Variants in HNRNPA1L2 observed in about 807,000 individuals in gnomAD.
HNRNPA1L2 encodes the protein heterogeneous nuclear ribonucleoprotein A1-like 2.
A neutral mutation model predicts 18.2 loss-of-function variants in HNRNPA1L2; 10 were observed. The observed-to-expected ratio is 0.55, with a 90% confidence interval of 0.34 to 0.93. HNRNPA1L2 has a LOEUF of 0.93. Ranked by LOEUF, HNRNPA1L2 falls within the 40% of genes least tolerant of loss-of-function variation. The pLI is 0.02. For synonymous variants in HNRNPA1L2, 124 were observed against 138.6 expected (o/e 0.89, Z 0.74); for missense variants, 308 against 394.4 (o/e 0.78, Z 1.85).
upstream of HNRNPA1L2, chr13:52,641,753 A>G (rs1961664165): frequency 6.6e-6 from 1 of 152,172 alleles, no homozygotes; most frequent in Non-Finnish European, 1.5e-5. Context: ...CCTCTTCTTT[A>G]TCTCACCAGC....
chr13:52,635,794 A>G, the HNRNPA1L2 span, among the ~76,000 whole-genome samples: 1 of 148,278 alleles, frequency 6.7e-6, no homozygotes, highest in East Asian at 2.0e-4. Flanking sequence ...ATGCATTTTT[A>G]TTACTGAATA....
chr13:52,628,135 A>T, the HNRNPA1L2 span, among the ~76,000 whole-genome samples: 1 of 152,162 alleles, frequency 6.6e-6, no homozygotes, highest in Non-Finnish European at 1.5e-5. Context: ...TGTGTACCAG[A>T]TGTATTTCGG....
the HNRNPA1L2 span, among the ~76,000 whole-genome samples, chr13:52,620,163 T>G: frequency 6.6e-6 from 1 of 152,190 alleles, no homozygotes; most frequent in Non-Finnish European, 1.5e-5. Context: ...CTGTGGCTAC[T>G]ATTTTCTGGC....
chr13:52,623,039 T>A, the HNRNPA1L2 span, among the ~76,000 whole-genome samples: 1 of 152,152 alleles, frequency 6.6e-6, no homozygotes, highest in Non-Finnish European at 1.5e-5. Context: ...CTACATGGTA[T>A]CAAAAATACC....
Position 52,643,259 on chromosome 13 carries a change from G to C in HNRNPA1L2, c.767G>C (p.Gly256Ala). ...GFGNDGSNFG[G>A]GGSYNDFGNY... Reference sequence around the variant, plus strand: ...GGTAATGATGGAAGCAATTTTGGAGGTGGTGGAAGCTACAATGATTTTGGC... The same window carrying C: ...GGTAATGATGGAAGCAATTTTGGAGCTGGTGGAAGCTACAATGATTTTGGC... Residue 256 changes from glycine to alanine, a missense_variant, in exon 1 of 1, where the codon GGT (glycine) becomes GCT (alanine). Transcript: ENST00000357495. 1 of 1,591,668 alleles carries C rather than the reference G, an allele frequency of 6.3e-7. No individual in the cohort carries two copies. Among genetic ancestry groups the C allele is most frequent in the East Asian group, 2.2e-5 (1 of 44,846 alleles).
chr13:52,628,971 G>A, the HNRNPA1L2 span, among the ~76,000 whole-genome samples: 458 of 152,244 alleles, frequency 3.0e-3, 5 homozygotes, highest in Non-Finnish European at 4.1e-3. Flanking sequence ...CACCTCCTGG[G>A]TTCAAGCGAT....
the HNRNPA1L2 span, among the ~76,000 whole-genome samples, chr13:52,620,599 T>C: frequency 1.3e-5 from 2 of 152,164 alleles, no homozygotes; most frequent in African/African-American, 4.8e-5. Context: ...GAATCTGTAT[T>C]TTAGCAAGGA....
At chr13:52,633,032 G>T in the HNRNPA1L2 span, among the ~76,000 whole-genome samples, 1 of 152,198 alleles carries the variant, frequency 6.6e-6, no homozygotes, top group Non-Finnish European at 1.5e-5. Flanking sequence ...GCTAGTTGTG[G>T]TTCAGTTTCC....
At chr13:52,638,375 G>C (rs887421391), upstream of HNRNPA1L2, among the ~76,000 whole-genome samples, 1 of 152,160 alleles carries the variant, frequency 6.6e-6, no homozygotes, top group Non-Finnish European at 1.5e-5. Context: ...ACTAGCCAGT[G>C]AGGACATTGT....
At chr13:52,633,744 C>G in the HNRNPA1L2 span, among the ~76,000 whole-genome samples, 6 of 152,174 alleles carry the variant, frequency 3.9e-5, no homozygotes, top group Non-Finnish European at 8.8e-5. Context: ...GCCCAGAATT[C>G]GATGCTGCAA....
At chr13:52,621,842 A>C in the HNRNPA1L2 span, 1 of 152,124 alleles carries the variant, frequency 6.6e-6, no homozygotes, top group East Asian at 1.9e-4. Flanking sequence ...GTGCTAATAA[A>C]TGGTAAGTTG....
chr13:52,642,720 A>G lies in HNRNPA1L2; in HGVS notation c.228A>G (p.Pro76=). 6.2e-7 allele frequency: 1 copy of G among 1,603,666 alleles called. No individual in the cohort carries two copies. Among genetic ancestry groups the G allele is most frequent in the Admixed American group, 1.7e-5 (1 of 59,996 alleles). The change falls in exon 1 of 1, where the codon CCA becomes CCG. Residue 76 remains proline (P), a synonymous_variant. Coordinates refer to ENST00000357495, the MANE Select transcript of HNRNPA1L2 (RefSeq NM_001389320.1). ...EEVDAAMNTT[P]HKVDGRVVEP... Reference sequence around the variant, plus strand: ...TGGATGCAGCTATGAATACAACGCCACACAAGGTGGATGGAAGAGTTGTGG... The same window carrying G: ...TGGATGCAGCTATGAATACAACGCCGCACAAGGTGGATGGAAGAGTTGTGG...
At chr13:52,619,919 C>CAAAAAAAAAAA in the HNRNPA1L2 span, among the ~76,000 whole-genome samples, 3 of 69,148 alleles carry the variant, frequency 4.3e-5, no homozygotes, top group African/African-American at 1.7e-4. Flanking sequence ...GATTCCGTCT[C>CAAAAAAAAAAA]AAAAAAAAAA....
upstream of HNRNPA1L2, among the ~76,000 whole-genome samples, chr13:52,639,889 T>TG (rs1253045450): frequency 5.5e-4 from 63 of 114,600 alleles, 1 homozygote; most frequent in Non-Finnish European, 8.5e-4. Context: ...TTTTTTTTTT[T>TG]TTTTTTGTTT....
the HNRNPA1L2 span, chr13:52,629,368 C>G: frequency 1.3e-5 from 3 of 225,474 alleles, no homozygotes; most frequent in East Asian, 3.2e-4. Flanking sequence ...AGGTATCAGG[C>G]TTTGTAGTCT....
the HNRNPA1L2 span, among the ~76,000 whole-genome samples, chr13:52,626,947 A>C: frequency 6.6e-6 from 1 of 152,220 alleles, no homozygotes; most frequent in East Asian, 1.9e-4. Flanking sequence ...TCTGTGTCCA[A>C]CTTCTTTCAC....
upstream of HNRNPA1L2, among the ~76,000 whole-genome samples, chr13:52,640,624 A>G (rs974350462): frequency 9.2e-5 from 14 of 152,210 alleles, no homozygotes; most frequent in Non-Finnish European, 1.5e-4. Context: ...TCACATAGTC[A>G]TGGAACTCTT....
At chr13:52,637,559 T>C (rs1961499827), upstream of HNRNPA1L2, 1 of 154,454 alleles carries the variant, frequency 6.5e-6, no homozygotes, top group African/African-American at 2.4e-5. Flanking sequence ...TGTAGATATC[T>C]TCGCGGTGTC....
the HNRNPA1L2 span, among the ~76,000 whole-genome samples, chr13:52,635,202 G>C: frequency 1.3e-5 from 2 of 152,042 alleles, no homozygotes; most frequent in African/African-American, 4.8e-5. Context: ...CATAGAAACC[G>C]ATTCAGAAAA....
Sources: gnomAD v4.1 joint callset for allele counts (sites outside exome capture counted in the v4.1 genomes callset) on GRCh38, gnomAD v4.1.1 for gene constraint, MANE v1.5 for transcripts, NCBI Gene and HGNC (gene_info 2026-07-23, HGNC 2026-07-21) for gene names.